The following CLEC6A variants were observed in gnomAD, a reference collection of about 807,000 sequenced individuals.
CLEC6A encodes the protein C-type lectin domain containing 6A.
CLEC6A carries 22 observed loss-of-function variants against 25.7 expected under a neutral mutation model. The ratio of observed to expected loss-of-function variants is 0.85; its 90% CI spans 0.61 to 1.22. The LOEUF (loss-of-function observed/expected upper bound fraction) is 1.22. CLEC6A is among the 50% of genes most tolerant of loss of function. CLEC6A has a pLI of 0.00. For missense variants in CLEC6A, 240 were observed against 236.8 expected, an observed-to-expected ratio of 1.01 and a Z score of -0.09; for synonymous variants, 92 against 76.7, an observed-to-expected ratio of 1.20 and a Z score of -1.04.
intron 4 of CLEC6A, among the ~76,000 whole-genome samples, chr12:8,467,857 G>T (rs561094339): frequency 7.9e-4 from 121 of 152,206 alleles, no homozygotes; most frequent in Admixed American, 8.5e-4. Context: ...TCAATGTTTT[G>T]TAGTTTTTAT....
intron 3 of CLEC6A, among the ~76,000 whole-genome samples, chr12:8,463,381 C>T (rs774504123): frequency 2.6e-5 from 4 of 152,210 alleles, no homozygotes; most frequent in African/African-American, 9.6e-5. Context: ...AAAATGCTAT[C>T]GAATGTAATT....
intron 4 of CLEC6A, among the ~76,000 whole-genome samples, chr12:8,471,248 T>C (rs1462455713): frequency 6.6e-6 from 1 of 152,224 alleles, no homozygotes; most frequent in African/African-American, 2.4e-5. Flanking sequence ...GTCTGTTGTT[T>C]TTTCATAGTA....
intron 3 of CLEC6A, chr12:8,461,159 A>G (rs757381321): frequency 1.4e-5 from 20 of 1,386,716 alleles, no homozygotes; most frequent in Non-Finnish European, 1.9e-5. Flanking sequence ...CATAAGTTCC[A>G]CCACACTATT....
rs1001143680 is a variant in CLEC6A, at chr12:8,455,997, A to G, written c.-115A>G. On this transcript the variant is annotated 5_prime_UTR_variant, in exon 1 of 6. Transcript: ENST00000382073. ...GTCTCTTAGTCCTATAAGAGTGTGT[A>G]GCAGTTTGTCCCTGAGCTCTAGCTT... 3.4e-6 allele frequency: 3 copies of G among 870,522 alleles called. No homozygotes were observed. The highest frequency in any genetic ancestry group is 5.7e-6 in the Non-Finnish European group (3 of 524,522). 53.9% of individuals were successfully genotyped at this position (870,522 alleles called of 1,614,324 possible).
At chr12:8,470,911 G>A (rs1240627142) in intron 4 of CLEC6A, among the ~76,000 whole-genome samples, 2 of 152,014 alleles carry the variant, frequency 1.3e-5, no homozygotes, top group African/African-American at 4.8e-5. Flanking sequence ...AAAAAATTGA[G>A]TATGATGTTA....
At chr12:8,472,216 A>G (rs1939914037) in intron 4 of CLEC6A, among the ~76,000 whole-genome samples, 1 of 152,116 alleles carries the variant, frequency 6.6e-6, no homozygotes, top group South Asian at 2.1e-4. Context: ...TTCCAGATAA[A>G]GTAATTTACA....
chr12:8,460,977 C>T, intron 3 of CLEC6A: 4 of 1,060,668 alleles, frequency 3.8e-6, no homozygotes, highest in Non-Finnish European at 5.8e-6. Flanking sequence ...ATTCTTACTG[C>T]GTTGGTGAAG....
At chr12:8,468,288 ATTGT>A (rs1192407407) in intron 4 of CLEC6A, among the ~76,000 whole-genome samples, 2 of 152,158 alleles carry the variant, frequency 1.3e-5, no homozygotes, top group East Asian at 3.9e-4. Flanking sequence ...TTCTTTTTAG[ATTGT>A]TTATTTTTAG....
At chr12:8,462,376 G>A (rs1591706638) in intron 3 of CLEC6A, among the ~76,000 whole-genome samples, 8 of 134,662 alleles carry the variant, frequency 5.9e-5, no homozygotes, top group African/African-American at 1.7e-4. Context: ...AGGAGGATTA[G>A]TATAAGAGGA....
intron 5 of CLEC6A, among the ~76,000 whole-genome samples, chr12:8,476,776 G>A (rs1272261589): frequency 6.6e-6 from 1 of 152,028 alleles, no homozygotes. Flanking sequence ...TACCTGGGGA[G>A]ATTGAATTAC....
chr12:8,457,434 A>G (rs1216760523), intron 1 of CLEC6A, among the ~76,000 whole-genome samples: 1 of 152,218 alleles, frequency 6.6e-6, no homozygotes, highest in African/African-American at 2.4e-5. Flanking sequence ...ATAATATGCC[A>G]TTGTATATAT....
chr12:8,461,018 T>C (rs1939747119), intron 3 of CLEC6A: 2 of 1,518,466 alleles, frequency 1.3e-6, no homozygotes, highest in African/African-American at 1.4e-5. Context: ...GGGGTTATCC[T>C]CATTGATCCA....
chr12:8,473,727 C>A (rs1165456151), intron 4 of CLEC6A, among the ~76,000 whole-genome samples: 1 of 152,110 alleles, frequency 6.6e-6, no homozygotes, highest in Non-Finnish European at 1.5e-5. Context: ...TCTCTACAGC[C>A]TCTCCAGCAT....
At chr12:8,456,199 C>CA in intron 1 of CLEC6A, 57 bp downstream of exon 1, 1 of 1,547,696 alleles carries the variant, frequency 6.5e-7, no homozygotes, top group Non-Finnish European at 8.9e-7. Flanking sequence ...ATGAGATCAC[C>CA]TGGAGAGAAG....
At chr12:8,474,018 G>C (rs772837011) in intron 4 of CLEC6A, among the ~76,000 whole-genome samples, 21 of 151,970 alleles carry the variant, frequency 1.4e-4, no homozygotes, top group Non-Finnish European at 2.4e-4. Context: ...CTCATATTTT[G>C]TAGGTTGCCT....
chr12:8,477,446 G>A lies in CLEC6A; in HGVS notation c.612G>A (p.Met204Ile), dbSNP rs1273029150. 6.2e-7 allele frequency: 1 copy of A among 1,607,792 alleles called. No homozygotes were observed. Among genetic ancestry groups the A allele is most frequent in the Non-Finnish European group, 8.5e-7 (1 of 1,177,152 alleles). The change falls in exon 6 of 6, where the codon ATG becomes ATA. Residue 204 changes from methionine to isoleucine, a missense_variant. By Grantham distance (10) the Met-to-Ile change is conservative (BLOSUM62 1). Coordinates refer to ENST00000382073, the MANE Select transcript of CLEC6A (RefSeq NM_001007033.2). ...CTAGAAGGAATTCAATATGTGAGAT[G>A]AATAAGATTTACCTATGAGTAGAAG... ...CETRRNSICE[M>I]NKIYL
chr12:8,466,868 G>C (rs1939838406), intron 4 of CLEC6A, among the ~76,000 whole-genome samples: 2 of 152,094 alleles, frequency 1.3e-5, no homozygotes, highest in Non-Finnish European at 2.9e-5. Flanking sequence ...TGGTCAGGCT[G>C]GTCTTGAACT....
At chr12:8,467,534 G>GT (rs1396988727) in intron 4 of CLEC6A, among the ~76,000 whole-genome samples, 3 of 59,162 alleles carry the variant, frequency 5.1e-5, no homozygotes, top group Non-Finnish European at 1.3e-4. Context: ...TCTCTATTCT[G>GT]TTCCATTGGT....
chr12:8,462,270 A>G (rs1272729491), intron 3 of CLEC6A, among the ~76,000 whole-genome samples: 1 of 147,578 alleles, frequency 6.8e-6, no homozygotes, highest in Non-Finnish European at 1.5e-5. Context: ...GGTATTGTCC[A>G]AGGTTTCTCC....
Sources: gnomAD v4.1 joint callset for allele counts (sites outside exome capture counted in the v4.1 genomes callset) on GRCh38, gnomAD v4.1.1 for gene constraint, MANE v1.5 for transcripts, NCBI Gene and HGNC (gene_info 2026-07-23, HGNC 2026-07-21) for gene names.